The following TCF12 variants were observed in gnomAD, a reference collection of about 807,000 sequenced individuals.
TCF12 encodes transcription factor 12.
Under a neutral mutation model 86.0 loss-of-function variants are expected in TCF12, and 45 were observed. The observed-to-expected ratio is 0.52, with a 90% CI of 0.41 to 0.67. The LOEUF (loss-of-function observed/expected upper bound fraction) is 0.67. Ranked by LOEUF, TCF12 falls within the 30% of genes least tolerant of loss-of-function variation. The pLI, the probability that TCF12 is intolerant of heterozygous loss-of-function variation, is 0.00. For synonymous variants in TCF12, 330 were observed against 299.6 expected, an observed-to-expected ratio of 1.10 and a Z score of -1.05; for missense variants, 881 against 859.9, an observed-to-expected ratio of 1.02 and a Z score of -0.31.
At chr15:57,290,140 C>G (rs1322628778), downstream of TCF12, among the ~76,000 whole-genome samples, 2 of 151,778 alleles carry the variant, frequency 1.3e-5, no homozygotes, top group South Asian at 2.1e-4. Flanking sequence ...GTCATGAGTT[C>G]ATGACCAGCC....
intron 3 of TCF12, among the ~76,000 whole-genome samples, chr15:56,955,415 TG>T (rs2061466657): frequency 6.7e-6 from 1 of 148,862 alleles, no homozygotes; most frequent in Non-Finnish European, 1.5e-5. Context: ...GGTGGGGGGC[TG>T]GGGGAGGGAT....
chr15:57,279,774 T>C (rs990372756), intron 19 of TCF12, among the ~76,000 whole-genome samples: 16 of 152,102 alleles, frequency 1.1e-4, no homozygotes, highest in Middle Eastern at 3.2e-3. Flanking sequence ...CTTTTTTCAG[T>C]TGGAAAATTT....
intron 3 of TCF12, among the ~76,000 whole-genome samples, chr15:56,976,397 A>AT (rs55909585): frequency 0.2 from 29,110 of 146,526 alleles, 3,043 homozygotes; most frequent in Non-Finnish European, 0.24. Flanking sequence ...CGCCTGGCTA[A>AT]TTTTTTTTTT....
intron 5 of TCF12, chr15:57,129,970 G>A (rs1038110153): frequency 5.3e-5 from 8 of 152,160 alleles, no homozygotes; most frequent in African/African-American, 1.9e-4. Context: ...ATGGCTCCTT[G>A]GAGTAGGTAA....
At chr15:56,985,996 C>T (rs1394138896) in intron 3 of TCF12, among the ~76,000 whole-genome samples, 3 of 151,978 alleles carry the variant, frequency 2.0e-5, no homozygotes, top group African/African-American at 7.2e-5. Context: ...TTGAGATCAC[C>T]CAGCAGTTTT....
At chr15:57,080,230 C>A (rs1216761374) in intron 4 of TCF12, among the ~76,000 whole-genome samples, 1 of 152,216 alleles carries the variant, frequency 6.6e-6, no homozygotes, top group African/African-American at 2.4e-5. Context: ...CTCACAGTTA[C>A]ACCTACCTCT....
intron 5 of TCF12, among the ~76,000 whole-genome samples, chr15:57,135,010 T>A (rs2052417690): frequency 6.6e-6 from 1 of 152,184 alleles, no homozygotes. Flanking sequence ...TTATGTCAGT[T>A]TTTTGGATGA....
chr15:57,110,652 A>G (rs935058726), intron 5 of TCF12, among the ~76,000 whole-genome samples: 1 of 152,220 alleles, frequency 6.6e-6, no homozygotes, highest in Non-Finnish European at 1.5e-5. Flanking sequence ...GTCTAGTTCC[A>G]TAAAACCCTT....
chr15:57,247,165 CCAT>C (rs144660254), intron 13 of TCF12: 268,619 of 587,826 alleles, frequency 0.46, 67,419 homozygotes, highest in Non-Finnish European at 0.53. Context: ...ACCACCACCA[CCAT>C]ATCCTTGGTC....
At chr15:57,223,654 T>TTTTTTTTTTTTTTTTTTG (rs2058723583) in intron 8 of TCF12, among the ~76,000 whole-genome samples, 2 of 129,964 alleles carry the variant, frequency 1.5e-5, no homozygotes, top group Non-Finnish European at 3.3e-5. Context: ...TTTTTTTTTT[T>TTTTTTTTTTTTTTTTTTG]TTTTTTTTTT....
In TCF12 at chr15:57,107,123, A is replaced by G. The variant is rs139202749; in HGVS notation, c.325+15232A>G. Among the ~76,000 whole-genome samples, 26 of 152,370 alleles carry G rather than the reference A, an allele frequency of 1.7e-4. No individual in the cohort carries two copies. In the East Asian group the frequency reaches 3.5e-3, roughly 20 times the overall value. On this transcript the variant is annotated intron_variant, in intron 5 of 20. Transcript: ENST00000333725. ...CACAGTAATATGCACATAGAAGTTT[A>G]TAGCAGCTTTGTTCATAATTGCCAA... is the stretch of plus-strand genomic sequence containing the variant.
At chr15:57,074,668 T>C (rs1382365843) in intron 4 of TCF12, among the ~76,000 whole-genome samples, 2 of 152,196 alleles carry the variant, frequency 1.3e-5, no homozygotes, top group African/African-American at 4.8e-5. Flanking sequence ...CCACCACAGT[T>C]GAACTTTTGG....
intron 5 of TCF12, among the ~76,000 whole-genome samples, chr15:57,137,561 T>C (rs1224275038): frequency 6.6e-6 from 1 of 152,246 alleles, no homozygotes; most frequent in African/African-American, 2.4e-5. Context: ...TAGGATTTAA[T>C]ACATTTTAAC....
chr15:57,136,671 C>T lies in TCF12; in HGVS notation c.326-29731C>T, dbSNP rs146259369. ...TTTGAAGATCCCTTTTCCTTCATTTCGTAATAGATGTTTTCTTTTTTTGAG... is the reference window on the plus strand; with the variant it reads ...TTTGAAGATCCCTTTTCCTTCATTTTGTAATAGATGTTTTCTTTTTTTGAG... On this transcript the variant is annotated intron_variant, in intron 5 of 20. Coordinates refer to ENST00000333725, the MANE Select transcript of TCF12 (RefSeq NM_207037.2). 3.3e-4 allele frequency among the ~76,000 whole-genome samples: 50 copies of T among 152,174 alleles called. No individual in the cohort carries two copies. The East Asian group carries it at 9.1e-3, about 28-fold the overall frequency.
intron 5 of TCF12, among the ~76,000 whole-genome samples, chr15:57,092,219 A>G (rs1474543126): frequency 1.3e-5 from 2 of 152,116 alleles, no homozygotes; most frequent in African/African-American, 4.8e-5. Context: ...TGATGTTACT[A>G]TTTCTCTTAA....
intron 18 of TCF12, among the ~76,000 whole-genome samples, chr15:57,264,286 C>T (rs1378853968): frequency 2.9e-5 from 4 of 135,872 alleles, no homozygotes; most frequent in Admixed American, 8.4e-5. Context: ...CTGCAACCTC[C>T]GCCTCCCAGG....
At chr15:57,081,972 G>A (rs2048344285) in intron 4 of TCF12, among the ~76,000 whole-genome samples, 1 of 152,176 alleles carries the variant, frequency 6.6e-6, no homozygotes, top group South Asian at 2.1e-4. Context: ...TATCAGCTGT[G>A]GCTTATCTAC....
chr15:57,078,420 A>G (rs1332152010), intron 4 of TCF12, among the ~76,000 whole-genome samples: 4 of 152,212 alleles, frequency 2.6e-5, no homozygotes, highest in African/African-American at 9.6e-5. Flanking sequence ...TCTCAGGCCC[A>G]GACCTCATGA....
chr15:57,151,755 A>G (rs554638438), intron 5 of TCF12, among the ~76,000 whole-genome samples: 104 of 131,644 alleles, frequency 7.9e-4, no homozygotes, highest in African/African-American at 2.9e-3. Flanking sequence ...CCTGGCGACA[A>G]TGAGACTCTG....
Sources: allele counts gnomAD v4.1 joint callset (sites outside exome capture counted in the v4.1 genomes callset), GRCh38; gene constraint gnomAD v4.1.1; transcripts MANE v1.5; gene names NCBI Gene and HGNC (gene_info 2026-07-23, HGNC 2026-07-21).